SND1: variants seen among roughly 807,000 people sequenced by gnomAD.
SND1 encodes staphylococcal nuclease domain-containing protein 1.
A neutral mutation model predicts 121.7 loss-of-function variants in SND1; 38 were observed. The ratio of observed to expected loss-of-function variants is 0.31; its 90% CI spans 0.24 to 0.41. The LOEUF (loss-of-function observed/expected upper bound fraction) is 0.41. SND1 is among the 10% of genes least tolerant of loss of function. The probability of loss-of-function intolerance (pLI) is 1.00; values close to 1 mark genes in which losing one functional copy is unlikely to be tolerated. For missense variants in SND1, 868 were observed against 1,184.6 expected (o/e 0.73, Z 3.92); for synonymous variants, 401 against 447.4 (o/e 0.90, Z 1.31).
intron 1 of SND1, among the ~76,000 whole-genome samples, chr7:127,668,203 A>T (rs1270047858): frequency 1.3e-5 from 2 of 152,208 alleles, no homozygotes; most frequent in East Asian, 3.8e-4. Flanking sequence ...TCCCCAGGTG[A>T]TTGATGTTTG....
chr7:127,694,126 A>T (rs924194831), intron 2 of SND1, among the ~76,000 whole-genome samples: 1 of 152,208 alleles, frequency 6.6e-6, no homozygotes, highest in African/African-American at 2.4e-5. Context: ...GGACCTGTAA[A>T]GGCTTCAGAC....
In SND1 at chr7:127,982,088, C is replaced by T. The variant is rs553476276; in HGVS notation, c.1670-8859C>T. 5.9e-4 allele frequency among the ~76,000 whole-genome samples: 90 copies of T among 152,300 alleles called. 1 individual carries two copies. Among genetic ancestry groups the T allele is most frequent in the Non-Finnish European group, 1.1e-3 (73 of 68,028 alleles). ...CCTCAAATGACTGTAGAAGAGGGAT[C>T]TACCATTAACAGGCGAACAACTATT... On this transcript the variant is annotated intron_variant, in intron 15 of 23. Transcript: ENST00000354725.
intron 10 of SND1, among the ~76,000 whole-genome samples, chr7:127,806,968 G>A (rs1326206858): frequency 6.6e-6 from 1 of 152,016 alleles, no homozygotes; most frequent in Non-Finnish European, 1.5e-5. Context: ...GAAAAAAAAG[G>A]AAGAAAAAAA....
At chr7:128,017,293 C>A (rs536427272) in intron 16 of SND1, among the ~76,000 whole-genome samples, 7 of 152,296 alleles carry the variant, frequency 4.6e-5, no homozygotes, top group Non-Finnish European at 8.8e-5. Context: ...TGGGGACTTA[C>A]AGAGGGCTAT....
intron 5 of SND1, 43 bp from the exon 6 acceptor site, chr7:127,702,392 A>T (rs1445917264): frequency 6.4e-7 from 1 of 1,559,842 alleles, no homozygotes; most frequent in East Asian, 2.2e-5. Context: ...TATCCTTGTT[A>T]GGATGTTTGC....
intron 1 of SND1, among the ~76,000 whole-genome samples, chr7:127,661,369 A>G (rs1437824952): frequency 6.6e-6 from 1 of 152,158 alleles, no homozygotes; most frequent in Non-Finnish European, 1.5e-5. Context: ...GTAATTTGGC[A>G]CCAATAACTT....
chr7:127,853,786 A>T (rs1466332461), intron 12 of SND1, among the ~76,000 whole-genome samples: 9 of 152,208 alleles, frequency 5.9e-5, no homozygotes, highest in African/African-American at 9.7e-5. Flanking sequence ...ATATGATACC[A>T]GTTATGCCTG....
intron 15 of SND1, among the ~76,000 whole-genome samples, chr7:127,936,653 T>C (rs1289301068): frequency 1.3e-5 from 2 of 152,054 alleles, no homozygotes; most frequent in Non-Finnish European, 2.9e-5. Flanking sequence ...GCTCAAGTAA[T>C]CCTCCCTCAG....
chr7:127,979,477 T>C (rs1481545060), intron 15 of SND1, among the ~76,000 whole-genome samples: 2 of 152,094 alleles, frequency 1.3e-5, no homozygotes, highest in Non-Finnish European at 2.9e-5. Context: ...GGGTACGAGC[T>C]GGAGTGGCAG....
Position 127,857,809 on chromosome 7 carries a change from AGGAAAGAAG to A in SND1, c.1343+13388_1343+13396del, listed in dbSNP as rs201783565. On this transcript the variant is annotated intron_variant, in intron 12 of 23. Coordinates refer to ENST00000354725, the MANE Select transcript of SND1 (RefSeq NM_014390.4). ...CACTTGGACCTCCTCCACAAAGTTCAGGAAAGAAGGGCCCACCAAACTAGGTCCCCAGCA... is the reference window on the plus strand; with the variant it reads ...CACTTGGACCTCCTCCACAAAGTTCAGGCCCACCAAACTAGGTCCCCAGCA... 1.6e-3 allele frequency: 1,249 copies of A among 792,282 alleles called. 6 individuals carry two copies. The African/African-American group carries it at 0.017, about 11-fold the overall frequency. 49.1% of individuals were successfully genotyped at this position (792,282 alleles called of 1,614,324 possible).
At chr7:127,855,999 G>C (rs1489132795) in intron 12 of SND1, among the ~76,000 whole-genome samples, 1 of 152,232 alleles carries the variant, frequency 6.6e-6, no homozygotes, top group South Asian at 2.1e-4. Context: ...GAGGCACTTT[G>C]GTTTGTATTA....
chr7:127,997,435 A>G (rs761644101), intron 16 of SND1: 131 of 324,770 alleles, frequency 4.0e-4, no homozygotes, highest in Non-Finnish European at 6.3e-4. Flanking sequence ...TGCTATGCCC[A>G]TGCCTCCCCT....
intron 13 of SND1, among the ~76,000 whole-genome samples, chr7:127,899,247 T>C (rs1800179360): frequency 6.6e-6 from 1 of 151,668 alleles, no homozygotes; most frequent in Non-Finnish European, 1.5e-5. Context: ...AGTTTATAAT[T>C]ACATGCTGAA....
intron 2 of SND1, among the ~76,000 whole-genome samples, chr7:127,687,817 C>T (rs1362189669): frequency 6.6e-6 from 1 of 152,096 alleles, no homozygotes; most frequent in African/African-American, 2.4e-5. Flanking sequence ...CTGGGAGTAG[C>T]TGGAACTACA....
In SND1 at chr7:127,866,598, C is replaced by A. The variant is rs532824022; in HGVS notation, c.1344-21304C>A. The stretch of plus-strand genomic sequence containing the variant: ...ACTCCATGCACTCAACAAGGCAGAT[C>A]CAAGCATTTCGTACCTGCAGGTTTT... On this transcript the variant is annotated intron_variant, in intron 12 of 23. Coordinates refer to ENST00000354725, the MANE Select transcript of SND1 (RefSeq NM_014390.4). 6.6e-5 allele frequency among the ~76,000 whole-genome samples: 10 copies of A among 152,260 alleles called. No individual in the cohort carries two copies. In the South Asian group the frequency reaches 1.5e-3, roughly 22 times the overall value.
chr7:127,656,869 T>G (rs904075804), intron 1 of SND1, among the ~76,000 whole-genome samples: 1 of 152,144 alleles, frequency 6.6e-6, no homozygotes, highest in Non-Finnish European at 1.5e-5. Flanking sequence ...ATAACAATAT[T>G]TTAGAAGGGC....
intron 10 of SND1, among the ~76,000 whole-genome samples, chr7:127,723,131 G>T (rs1376022319): frequency 6.6e-6 from 1 of 152,208 alleles, no homozygotes. Flanking sequence ...ATTTTAAGCA[G>T]TTTTTAGGGG....
chr7:127,806,975 A>G (rs563188764), intron 10 of SND1, among the ~76,000 whole-genome samples: 20 of 152,282 alleles, frequency 1.3e-4, no homozygotes, highest in Middle Eastern at 3.4e-3. Context: ...AAGGAAGAAA[A>G]AAACTGCTTT....
intron 7 of SND1, among the ~76,000 whole-genome samples, chr7:127,704,124 G>C (rs1159359911): frequency 6.6e-6 from 1 of 152,162 alleles, no homozygotes; most frequent in African/African-American, 2.4e-5. Context: ...ACCTTATTGT[G>C]CACTTTGATA....
Sources: gnomAD v4.1 joint callset for allele counts (sites outside exome capture counted in the v4.1 genomes callset) on GRCh38, gnomAD v4.1.1 for gene constraint, MANE v1.5 for transcripts, NCBI Gene and HGNC (gene_info 2026-07-23, HGNC 2026-07-21) for gene names.